The following SPOCK1 variants were observed in gnomAD, a reference collection of about 807,000 sequenced individuals.
The protein encoded by SPOCK1 is SPARC (osteonectin), cwcv and kazal like domains proteoglycan 1, also known as testican-1.
In SPOCK1, 23 loss-of-function variants were observed where a neutral mutation model predicts 55.3. The ratio of observed to expected loss-of-function variants is 0.42; its 90% CI spans 0.30 to 0.59. The LOEUF (loss-of-function observed/expected upper bound fraction) is 0.59. Ranked by LOEUF, SPOCK1 falls within the 20% of genes least tolerant of loss-of-function variation. The pLI is 0.22. For missense variants in SPOCK1, 499 were observed against 552.5 expected (o/e 0.90, Z 0.97); for synonymous variants, 226 against 221.0 (o/e 1.02, Z -0.20).
At chr5:137,138,834 G>A (rs527276361) in intron 4 of SPOCK1, among the ~76,000 whole-genome samples, 51 of 151,838 alleles carry the variant, frequency 3.4e-4, no homozygotes, top group South Asian at 8.4e-4. Context: ...ATACCTTTTC[G>A]TTGAATGTCA....
At chr5:137,150,869 G>A (rs1754305998) in intron 3 of SPOCK1, among the ~76,000 whole-genome samples, 1 of 152,158 alleles carries the variant, frequency 6.6e-6, no homozygotes, top group African/African-American at 2.4e-5. Flanking sequence ...GGTCACTTCT[G>A]CAGTATGGCA....
At chr5:137,406,561 C>G (rs1191862099) in intron 2 of SPOCK1, among the ~76,000 whole-genome samples, 1 of 152,234 alleles carries the variant, frequency 6.6e-6, no homozygotes, top group Non-Finnish European at 1.5e-5. Context: ...TGCCCTTCTA[C>G]TTAGAAGTCT....
At position 137,039,331 on chromosome 5, in the gene SPOCK1, G is replaced by A. The variant is rs138058852; in HGVS notation, c.589+28384C>T. ...CAACGGGGACATTCTGCCTATACCCGGAGCCCTAGGAGAACAGAGGTGAAC... is the reference window on the plus strand; with the variant it reads ...CAACGGGGACATTCTGCCTATACCCAGAGCCCTAGGAGAACAGAGGTGAAC... On this transcript the variant is annotated intron_variant, in intron 6 of 10. Transcript: ENST00000394945. 8.6e-5 allele frequency among the ~76,000 whole-genome samples: 11 copies of A among 128,146 alleles called. No homozygotes were observed. In the East Asian group the frequency reaches 2.1e-3, roughly 24 times the overall value. The allele number at this position is 128,146 out of a possible 152,430, so 84.1% of individuals were successfully genotyped here.
At chr5:137,065,190 T>C (rs1350812889) in intron 6 of SPOCK1, among the ~76,000 whole-genome samples, 2 of 132,754 alleles carry the variant, frequency 1.5e-5, no homozygotes, top group Admixed American at 9.2e-5. Context: ...ATCGCACCAC[T>C]GCACTCCAGC....
intron 5 of SPOCK1, among the ~76,000 whole-genome samples, chr5:137,081,218 T>A (rs1752872924): frequency 1.3e-5 from 2 of 152,226 alleles, no homozygotes; most frequent in African/African-American, 4.8e-5. Context: ...TCTGAAGCAG[T>A]GACCTCTCTT....
At chr5:137,074,935 C>T (rs1257419480) in intron 5 of SPOCK1, among the ~76,000 whole-genome samples, 1 of 152,126 alleles carries the variant, frequency 6.6e-6, no homozygotes, top group Non-Finnish European at 1.5e-5. Context: ...GATCTCCTGA[C>T]CTCGTGATCA....
At chr5:137,121,580 TTATTATA>T (rs1439023473) in intron 4 of SPOCK1, among the ~76,000 whole-genome samples, 3 of 147,480 alleles carry the variant, frequency 2.0e-5, no homozygotes, top group East Asian at 1.9e-4. Context: ...ATAATTTGTA[TTATTATA>T]TATTATATAT....
In SPOCK1 at chr5:136,976,763, C is replaced by T. The variant is rs1750621892; in HGVS notation, c.*1891G>A. On this transcript the variant is annotated 3_prime_UTR_variant, in exon 11 of 11. Transcript: ENST00000394945. Reference sequence around the variant, plus strand: ...TCCTATGGGGAAAGTAAGTACAAAACCTCAGGGTTATTTACGAAGCCAAAG... The same window carrying T: ...TCCTATGGGGAAAGTAAGTACAAAATCTCAGGGTTATTTACGAAGCCAAAG... 1 of 152,158 alleles carries T rather than the reference C, an allele frequency of 6.6e-6. No homozygotes were observed. The highest frequency in any genetic ancestry group is 2.4e-5 in the African/African-American group (1 of 41,400). The allele number at this position is 152,158 out of a possible 1,614,324, so 9.4% of individuals were successfully genotyped here. A position where few individuals can be genotyped will look rare whatever the true frequency, so the allele number is the denominator to read the frequency against.
intron 2 of SPOCK1, among the ~76,000 whole-genome samples, chr5:137,394,513 C>T (rs1050278454): frequency 6.6e-6 from 1 of 152,196 alleles, no homozygotes; most frequent in East Asian, 1.9e-4. Flanking sequence ...TCCAATGTTG[C>T]TGCCACCACG....
chr5:137,497,954 A>G (rs1007636641), intron 2 of SPOCK1, among the ~76,000 whole-genome samples: 1 of 151,964 alleles, frequency 6.6e-6, no homozygotes, highest in African/African-American at 2.4e-5. Context: ...TTCTCCTGAC[A>G]CACCCCAGAG....
chr5:137,377,718 C>A, intron 2 of SPOCK1, among the ~76,000 whole-genome samples: 1 of 152,116 alleles, frequency 6.6e-6, no homozygotes, highest in East Asian at 1.9e-4. Context: ...CCTGCATGAC[C>A]ATCAGCTGTA....
intron 2 of SPOCK1, among the ~76,000 whole-genome samples, chr5:137,301,026 G>A (rs1028995518): frequency 2.6e-5 from 4 of 152,186 alleles, no homozygotes; most frequent in African/African-American, 7.2e-5. Context: ...AAAGGAAGAG[G>A]CTCATCCTTA....
chr5:137,347,250 G>A (rs1208711684), intron 2 of SPOCK1, among the ~76,000 whole-genome samples: 1 of 152,118 alleles, frequency 6.6e-6, no homozygotes, highest in Non-Finnish European at 1.5e-5. Flanking sequence ...TCTTGTTTTG[G>A]GACCTGAAGC....
intron 3 of SPOCK1, among the ~76,000 whole-genome samples, chr5:137,197,822 T>A (rs1277390142): frequency 6.6e-6 from 1 of 152,200 alleles, no homozygotes; most frequent in Non-Finnish European, 1.5e-5. Flanking sequence ...ATGATAGTAT[T>A]TCCCAATTTA....
chr5:137,194,197 T>C (rs1249680664), intron 3 of SPOCK1, among the ~76,000 whole-genome samples: 1 of 152,210 alleles, frequency 6.6e-6, no homozygotes, highest in Non-Finnish European at 1.5e-5. Flanking sequence ...CCAAACAGTA[T>C]CACCCACAGG....
At chr5:137,023,109 A>T (rs1265646164) in intron 6 of SPOCK1, among the ~76,000 whole-genome samples, 1 of 152,168 alleles carries the variant, frequency 6.6e-6, no homozygotes. Context: ...GTTACCTGGG[A>T]CAACTTGTAT....
chr5:137,409,197 C>T (rs1752160949), intron 2 of SPOCK1, among the ~76,000 whole-genome samples: 1 of 152,306 alleles, frequency 6.6e-6, no homozygotes, highest in African/African-American at 2.4e-5. Context: ...GGGGTTTTCC[C>T]TTTCTTTATG....
intron 2 of SPOCK1, among the ~76,000 whole-genome samples, chr5:137,338,190 C>T (rs1750330658): frequency 6.7e-6 from 1 of 149,730 alleles, no homozygotes; most frequent in Non-Finnish European, 1.5e-5. Context: ...CACAACAGTC[C>T]CCAGCGTGTG....
chr5:137,078,174 A>C (rs1281574587), intron 5 of SPOCK1, among the ~76,000 whole-genome samples: 2 of 152,102 alleles, frequency 1.3e-5, no homozygotes, highest in Non-Finnish European at 2.9e-5. Flanking sequence ...GGGAGCAGAG[A>C]CCTCGTTCAC....
Sources: gnomAD v4.1 joint callset for allele counts (sites outside exome capture counted in the v4.1 genomes callset) on GRCh38, gnomAD v4.1.1 for gene constraint, MANE v1.5 for transcripts, NCBI Gene and HGNC (gene_info 2026-07-23, HGNC 2026-07-21) for gene names.